Variants in EGFLAM observed in about 807,000 individuals in gnomAD.
The protein encoded by EGFLAM is pikachurin.
Under a neutral mutation model 113.1 loss-of-function variants are expected in EGFLAM, and 79 were observed. The observed-to-expected ratio is 0.70, with a 90% confidence interval of 0.58 to 0.84. The LOEUF is 0.84. Among genes scored for constraint, EGFLAM ranks in the 40% least tolerant of loss-of-function variants. The pLI is 0.00. For synonymous variants in EGFLAM, 504 were observed against 487.6 expected (o/e 1.03, Z -0.44); for missense variants, 1,265 against 1,291.6 (o/e 0.98, Z 0.32).
At chr5:38,315,826 A>G (rs1401023746) in intron 1 of EGFLAM, among the ~76,000 whole-genome samples, 1 of 152,176 alleles carries the variant, frequency 6.6e-6, no homozygotes, top group Non-Finnish European at 1.5e-5. Flanking sequence ...CTGTAATTTT[A>G]GCACTTTGGG....
intron 14 of EGFLAM, 78 bp downstream of exon 14, chr5:38,427,330 A>G (rs917279077): frequency 6.4e-6 from 10 of 1,565,820 alleles, no homozygotes; most frequent in Admixed American, 3.6e-5. Flanking sequence ...CCAAATCGCC[A>G]TTCAACAGCT....
chr5:38,366,678 G>C (rs1740068803), intron 5 of EGFLAM, among the ~76,000 whole-genome samples: 1 of 152,202 alleles, frequency 6.6e-6, no homozygotes, highest in Non-Finnish European at 1.5e-5. Flanking sequence ...TTCCTTCAGT[G>C]ACCATGTAGG....
At position 38,258,626 on chromosome 5, in the gene EGFLAM, C is replaced by A. The variant is rs1191619193; in HGVS notation, c.-129C>A. On this transcript the variant is annotated 5_prime_UTR_variant, in exon 1 of 22. Coordinates refer to ENST00000322350, the MANE Select transcript of EGFLAM (RefSeq NM_152403.4). ...AACTACCCGTGTTTCCGGGCCCAGCCCTCGCAGCCCCCCACCTCCTCGCCC... is the reference window on the plus strand; with the variant it reads ...AACTACCCGTGTTTCCGGGCCCAGCACTCGCAGCCCCCCACCTCCTCGCCC... The A allele has an allele frequency of 9.5e-7, 1 of 1,057,290 alleles. No homozygotes were observed. Among genetic ancestry groups the A allele is most frequent in the Non-Finnish European group, 1.4e-6 (1 of 705,188 alleles). 65.5% of individuals were successfully genotyped at this position (1,057,290 alleles called of 1,614,324 possible).
intron 3 of EGFLAM, chr5:38,345,305 A>C (rs541423396): frequency 4.6e-5 from 7 of 152,374 alleles, no homozygotes; most frequent in Admixed American, 2.6e-4. Context: ...TATAAATTCC[A>C]AAATGCTATA....
intron 1 of EGFLAM, among the ~76,000 whole-genome samples, chr5:38,327,470 A>G (rs1207767920): frequency 2.6e-5 from 4 of 152,238 alleles, no homozygotes; most frequent in Non-Finnish European, 5.9e-5. Context: ...TGTATCAATT[A>G]GCTTTCTTCT....
intron 20 of EGFLAM, among the ~76,000 whole-genome samples, chr5:38,461,475 A>G (rs960521300): frequency 6.6e-6 from 1 of 152,200 alleles, no homozygotes; most frequent in African/African-American, 2.4e-5. Flanking sequence ...TTTATGAACT[A>G]GAGTAAGTAG....
rs373032955 is a variant in EGFLAM, at chr5:38,361,737, A to G, written c.546-8559A>G. On this transcript the variant is annotated intron_variant, in intron 5 of 21. Transcript: ENST00000322350. ...TCAAACAGTGAGTTGGACAAGCTTGATCTAGAGGATGCCAGCAACTAGCTG... is the reference window on the plus strand; with the variant it reads ...TCAAACAGTGAGTTGGACAAGCTTGGTCTAGAGGATGCCAGCAACTAGCTG... Among the ~76,000 whole-genome samples, 19 of 152,304 alleles carry G rather than the reference A, an allele frequency of 1.2e-4. No individual in the cohort carries two copies. The East Asian group carries it at 3.7e-3, about 29-fold the overall frequency.
intron 18 of EGFLAM, among the ~76,000 whole-genome samples, chr5:38,449,915 A>G (rs1244680845): frequency 1.3e-5 from 2 of 152,074 alleles, no homozygotes; most frequent in East Asian, 1.9e-4. Context: ...AAATATTCCA[A>G]TCTCATCCCT....
At chr5:38,396,909 G>T (rs183141316) in intron 6 of EGFLAM, among the ~76,000 whole-genome samples, 2 of 152,024 alleles carry the variant, frequency 1.3e-5, no homozygotes, top group South Asian at 4.2e-4. Flanking sequence ...GACTTTCCAC[G>T]GCCCCGTTAT....
At chr5:38,457,739 A>T (rs753611289) in intron 19 of EGFLAM, among the ~76,000 whole-genome samples, 23 of 152,176 alleles carry the variant, frequency 1.5e-4, no homozygotes, top group Non-Finnish European at 2.2e-4. Flanking sequence ...ACACATGATA[A>T]AGCCCTTCTT....
chr5:38,362,043 A>G (rs1045451424), intron 5 of EGFLAM, among the ~76,000 whole-genome samples: 3 of 152,184 alleles, frequency 2.0e-5, no homozygotes, highest in Non-Finnish European at 4.4e-5. Flanking sequence ...CAGAGGCCAC[A>G]ACAGTAACCA....
At chr5:38,430,814 C>T (rs1284656523) in intron 14 of EGFLAM, among the ~76,000 whole-genome samples, 1 of 152,170 alleles carries the variant, frequency 6.6e-6, no homozygotes, top group Non-Finnish European at 1.5e-5. Flanking sequence ...ATGTCCGTTC[C>T]AGTCCAAGTC....
chr5:38,360,864 T>G (rs530204251), intron 5 of EGFLAM, among the ~76,000 whole-genome samples: 215 of 146,552 alleles, frequency 1.5e-3, no homozygotes, highest in Non-Finnish European at 2.3e-3. Context: ...ATTTATTTAT[T>G]TTTGAGATAG....
At chr5:38,387,669 G>A (rs1740700714) in intron 6 of EGFLAM, among the ~76,000 whole-genome samples, 3 of 152,264 alleles carry the variant, frequency 2.0e-5, no homozygotes, top group African/African-American at 7.2e-5. Flanking sequence ...GAAGCCCTGA[G>A]CTGCGCTCCT....
intron 1 of EGFLAM, among the ~76,000 whole-genome samples, chr5:38,292,558 C>A (rs1758361864): frequency 6.6e-6 from 1 of 152,082 alleles, no homozygotes; most frequent in South Asian, 2.1e-4. Context: ...AACTGAACAC[C>A]CAGGTCTTGA....
intron 18 of EGFLAM, among the ~76,000 whole-genome samples, 179 bp from the exon 19 acceptor site, chr5:38,451,136 G>T (rs932848512): frequency 6.6e-6 from 1 of 152,234 alleles, no homozygotes; most frequent in Non-Finnish European, 1.5e-5. Flanking sequence ...AGAGACTGCT[G>T]CTGAGTGAGC....
intron 1 of EGFLAM, among the ~76,000 whole-genome samples, chr5:38,275,630 G>A (rs1166561259): frequency 6.6e-6 from 1 of 152,154 alleles, no homozygotes; most frequent in Non-Finnish European, 1.5e-5. Flanking sequence ...TGAATAGTAA[G>A]GGACTTCAAT....
chr5:38,338,921 A>G, intron 3 of EGFLAM, 140 bp downstream of exon 3: 1 of 722,378 alleles, frequency 1.4e-6, no homozygotes, highest in East Asian at 2.7e-5. Context: ...TCCAAATGTC[A>G]TTCATGTACA....
chr5:38,350,460 T>G (rs758046241), intron 3 of EGFLAM, 41 bp from the exon 4 acceptor site: 23 of 1,585,978 alleles, frequency 1.5e-5, no homozygotes, highest in Non-Finnish European at 2.0e-5. Context: ...CCCAAACAGA[T>G]GTACTGATTG....
Sources: allele counts gnomAD v4.1 joint callset (sites outside exome capture counted in the v4.1 genomes callset), GRCh38; gene constraint gnomAD v4.1.1; transcripts MANE v1.5; gene names NCBI Gene and HGNC (gene_info 2026-07-23, HGNC 2026-07-21).